The following USP39 variants were observed in gnomAD, a reference collection of about 807,000 sequenced individuals.
USP39 encodes the protein ubiquitin specific peptidase 39.
USP39 carries 38 observed loss-of-function variants against 66.4 expected under a neutral mutation model. That is an observed-to-expected ratio of 0.57 (90% confidence interval 0.44 to 0.75). The LOEUF (loss-of-function observed/expected upper bound fraction) is 0.75, where lower values mean the gene tolerates loss of function less well. USP39 is among the 30% of genes least tolerant of loss of function. The pLI is 0.00. For missense variants in USP39, 608 were observed against 714.4 expected (o/e 0.85, Z 1.70); for synonymous variants, 303 against 274.6 (o/e 1.10, Z -1.02).
upstream of USP39, chr2:85,611,473 C>A: frequency 6.5e-7 from 1 of 1,548,508 alleles, no homozygotes; most frequent in Non-Finnish European, 8.7e-7. Context: ...CGATGCTTAA[C>A]TGGGGGCTTA....
At position 85,619,151 on chromosome 2, in the gene USP39, T is replaced by G. The variant is rs1674246104; in HGVS notation, c.269-69T>G. The G allele has an allele frequency of 2.0e-6, 3 of 1,535,698 alleles. No homozygotes were observed. In the Admixed American group the frequency reaches 5.4e-5, roughly 28 times the overall value. On this transcript the variant is annotated intron_variant, in intron 1 of 12. Coordinates refer to ENST00000323701, the MANE Select transcript of USP39 (RefSeq NM_006590.4). ...TAGTTTTTCCCATTTCTGTTTCTTT[T>G]TTTGTTCTGTTAGTTGGCCCTGAGT...
rs559423210 is a variant in USP39, at chr2:85,647,834, T to C, written c.1564-96T>C. 3.4e-5 allele frequency: 37 copies of C among 1,075,788 alleles called. No homozygotes were observed. The South Asian group carries it at 5.1e-4, about 15-fold the overall frequency. The allele number at this position is 1,075,788 out of a possible 1,614,324, so 66.6% of individuals were successfully genotyped here. A position where few individuals can be genotyped will look rare whatever the true frequency, so the allele number is the denominator to read the frequency against. On this transcript the variant is annotated intron_variant, in intron 11 of 12. Coordinates refer to ENST00000323701, the MANE Select transcript of USP39 (RefSeq NM_006590.4). Reference sequence around the variant, plus strand: ...GTTGCTGGATGATGTCTAGTGGCTGTTCTTCTAATTTTTCTAGTCTTGGCT... The same window carrying C: ...GTTGCTGGATGATGTCTAGTGGCTGCTCTTCTAATTTTTCTAGTCTTGGCT...
chr2:85,636,905 C>G (rs1275946920), intron 7 of USP39, among the ~76,000 whole-genome samples: 1 of 152,174 alleles, frequency 6.6e-6, no homozygotes, highest in African/African-American at 2.4e-5. Flanking sequence ...GGTTCTAGAA[C>G]TTGGTTGTGC....
At chr2:85,628,559 G>A (rs1174180286) in intron 5 of USP39, among the ~76,000 whole-genome samples, 1 of 152,112 alleles carries the variant, frequency 6.6e-6, no homozygotes, top group Non-Finnish European at 1.5e-5. Context: ...AAAAATAAAT[G>A]GATTAACAAA....
chr2:85,646,691 T>C (rs1676667633), intron 11 of USP39, among the ~76,000 whole-genome samples: 1 of 152,204 alleles, frequency 6.6e-6, no homozygotes, highest in Non-Finnish European at 1.5e-5. Context: ...TTCTTAGAAC[T>C]TTGGTTGGAT....
chr2:85,647,019 CTGGGACCTACAG>C (rs1676698260), intron 11 of USP39, among the ~76,000 whole-genome samples: 1 of 151,902 alleles, frequency 6.6e-6, no homozygotes, highest in Admixed American at 6.6e-5. Context: ...TCCCAAGTAG[CTGGGACCTACAG>C]GCACCTGCCA....
At chr2:85,630,126 C>G (rs1675209621) in intron 5 of USP39, among the ~76,000 whole-genome samples, 2 of 151,996 alleles carry the variant, frequency 1.3e-5, no homozygotes. Flanking sequence ...CCCCCACACT[C>G]TTTCCCCCAA....
chr2:85,620,615 A>T (rs1674388564), intron 2 of USP39, among the ~76,000 whole-genome samples: 1 of 152,190 alleles, frequency 6.6e-6, no homozygotes, highest in South Asian at 2.1e-4. Flanking sequence ...CCTCAGTATC[A>T]GGATATGGAA....
upstream of USP39, among the ~76,000 whole-genome samples, chr2:85,612,947 C>G (rs1195823673): frequency 1.3e-5 from 2 of 148,916 alleles, no homozygotes; most frequent in Non-Finnish European, 3.0e-5. Context: ...AGGCATGAGC[C>G]ACCGTGCCCG....
intron 3 of USP39, among the ~76,000 whole-genome samples, chr2:85,622,995 G>A (rs1444836810): frequency 2.6e-5 from 4 of 152,190 alleles, no homozygotes; most frequent in African/African-American, 9.7e-5. Flanking sequence ...CTGGACTGTG[G>A]CACGGAGTAA....
chr2:85,629,471 C>G (rs1328760587), intron 5 of USP39, among the ~76,000 whole-genome samples: 15 of 151,346 alleles, frequency 9.9e-5, no homozygotes, highest in Admixed American at 9.9e-4. Context: ...TTTTATTGTC[C>G]TAAACCTTTT....
chr2:85,647,989 G>T lies in USP39; in HGVS notation c.1623G>T (p.Met541Ile). Reference protein sequence around the residue: ...DLQVTDILPQMITLSEAYIQI... With the variant: ...DLQVTDILPQIITLSEAYIQI... Reference sequence around the variant, plus strand: ...AGGTGACTGACATCCTTCCCCAGATGATCACACTGTCAGAGGCTTACATTC... The same window carrying T: ...AGGTGACTGACATCCTTCCCCAGATTATCACACTGTCAGAGGCTTACATTC... Residue 541 changes from methionine (M) to isoleucine (I), a missense_variant, in exon 12 of 13, where the codon ATG becomes ATT. By Grantham distance (10) the Met-to-Ile change is conservative. Around this residue, in one of 6 missense-constraint regions of USP39, gnomAD observed 164 missense variants for 250.3 expected, o/e 0.66. Coordinates refer to ENST00000323701, the MANE Select transcript of USP39 (RefSeq NM_006590.4). 1 of 1,614,138 alleles carries T rather than the reference G, an allele frequency of 6.2e-7. No individual in the cohort carries two copies. The highest frequency in any genetic ancestry group is 1.1e-5 in the South Asian group (1 of 91,072).
At chr2:85,628,709 A>G (rs1250526559) in intron 5 of USP39, among the ~76,000 whole-genome samples, 1 of 152,186 alleles carries the variant, frequency 6.6e-6, no homozygotes, top group Non-Finnish European at 1.5e-5. Flanking sequence ...TCTCCACAAG[A>G]TAGACAACTG....
rs374595258 is a variant in USP39, at chr2:85,645,533, C to T, written c.1563+450C>T. On this transcript the variant is annotated intron_variant, in intron 11 of 12. Coordinates refer to ENST00000323701, the MANE Select transcript of USP39 (RefSeq NM_006590.4). ...TCCTGACCTTGTGATCCACCCACCT[C>T]GGCCTCCCAAAGTGTTGGGATTACA... Among the ~76,000 whole-genome samples, 8 of 152,230 alleles carry T rather than the reference C, an allele frequency of 5.3e-5. No individual in the cohort carries two copies. The East Asian group carries it at 7.7e-4, about 15-fold the overall frequency.
chr2:85,643,103 T>C (rs981643560), intron 10 of USP39, among the ~76,000 whole-genome samples: 9 of 151,728 alleles, frequency 5.9e-5, no homozygotes, highest in Non-Finnish European at 4.4e-5. Context: ...AATAGTTTGC[T>C]CCTTTTCCTA....
Position 85,648,999 on chromosome 2 carries a change from T to C in USP39, c.*191T>C. ...CCCCACACTGTCACTCAGCTGTTCT[T>C]TGATCATTTTTTTCTAGATTGATGC... On this transcript the variant is annotated 3_prime_UTR_variant, in exon 13 of 13. Coordinates refer to ENST00000323701, the MANE Select transcript of USP39 (RefSeq NM_006590.4). 3 of 665,478 alleles carry C rather than the reference T, an allele frequency of 4.5e-6. No homozygotes were observed. In the South Asian group the frequency reaches 5.7e-5, roughly 13 times the overall value. The allele number at this position is 665,478 out of a possible 1,614,324, so 41.2% of individuals were successfully genotyped here.
rs748343563 is a variant in USP39, at chr2:85,630,960, A to G, written c.949+14A>G. ...TCACCAAACAAGGTAAGAACAAGTC[A>G]TTCATGTTTCAGGACAACAAAACTA... On this transcript the variant is annotated intron_variant, in intron 6 of 12. Transcript: ENST00000323701. The G allele has an allele frequency of 2.5e-6, 4 of 1,608,440 alleles. No homozygotes were observed. The highest frequency in any genetic ancestry group is 1.1e-5 in the South Asian group (1 of 90,126).
intron 2 of USP39, 56 bp from the exon 3 acceptor site, chr2:85,621,429 T>A: frequency 6.7e-7 from 1 of 1,495,264 alleles, no homozygotes; most frequent in Non-Finnish European, 9.3e-7. Context: ...ACTGCTTCAT[T>A]TGCGTGCCTT....
chr2:85,630,453 G>A (rs559562642), intron 5 of USP39, among the ~76,000 whole-genome samples: 1 of 152,196 alleles, frequency 6.6e-6, no homozygotes, highest in Non-Finnish European at 1.5e-5. Context: ...TTGAATACCT[G>A]TGTTTTGTTT....
Sources: allele counts gnomAD v4.1 joint callset (sites outside exome capture counted in the v4.1 genomes callset), GRCh38; gene constraint gnomAD v4.1.1; regional missense constraint gnomAD v4.1.1; transcripts MANE v1.5; gene names NCBI Gene and HGNC (gene_info 2026-07-23, HGNC 2026-07-21).